Variants in INTU observed in about 807,000 individuals in gnomAD.
The protein encoded by INTU is protein inturned.
A neutral mutation model predicts 100.5 loss-of-function variants in INTU; 68 were observed. That is an observed-to-expected ratio of 0.68 (90% confidence interval 0.56 to 0.83). The LOEUF (loss-of-function observed/expected upper bound fraction) is 0.83, where lower values mean the gene tolerates loss of function less well. Among genes scored for constraint, INTU ranks in the 40% least tolerant of loss-of-function variants. The pLI, the probability that INTU is intolerant of heterozygous loss-of-function variation, is 0.00. For synonymous variants in INTU, 357 were observed against 395.7 expected (o/e 0.90, Z 1.16); for missense variants, 1,071 against 1,114.7 (o/e 0.96, Z 0.56).
At chr4:127,715,169 A>G (rs1731225685) in intron 15 of INTU, among the ~76,000 whole-genome samples, 1 of 152,186 alleles carries the variant, frequency 6.6e-6, no homozygotes, top group Non-Finnish European at 1.5e-5. Context: ...TATACAGCAC[A>G]GCAGTGAACA....
chr4:127,679,819 G>A (rs1234123024), intron 6 of INTU, among the ~76,000 whole-genome samples: 4 of 152,016 alleles, frequency 2.6e-5, no homozygotes, highest in East Asian at 1.9e-4. Context: ...CCAGGAGCTG[G>A]TTTTTTGAAA....
chr4:127,678,147 G>A (rs1037085767), intron 6 of INTU, among the ~76,000 whole-genome samples: 1 of 152,274 alleles, frequency 6.6e-6, no homozygotes, highest in East Asian at 1.9e-4. Context: ...AAAGTGATGG[G>A]GAGAATGGAA....
chr4:127,695,425 G>T (rs140619239), intron 8 of INTU, among the ~76,000 whole-genome samples: 38 of 152,188 alleles, frequency 2.5e-4, no homozygotes, highest in African/African-American at 8.9e-4. Context: ...GGCCAACATT[G>T]TGAAACCCTA....
chr4:127,681,208 C>T (rs1729526640), intron 6 of INTU, among the ~76,000 whole-genome samples: 1 of 152,160 alleles, frequency 6.6e-6, no homozygotes, highest in South Asian at 2.1e-4. Context: ...ATGCCATCCC[C>T]ATAAAGCTAC....
At position 127,718,004 on chromosome 4, in the gene INTU, T is replaced by A. The variant is rs1731293662; in HGVS notation, c.*1568T>A. On this transcript the variant is annotated 3_prime_UTR_variant, in exon 16 of 16. Coordinates refer to ENST00000335251, the MANE Select transcript of INTU (RefSeq NM_015693.4). ...GTCTTTAATTTAACTAGATCCCATT[T>A]GTCAAGTTTTGCTTTTGTTGCAGTT... 1 of 152,230 alleles carries A rather than the reference T, an allele frequency of 6.6e-6. No homozygotes were observed. The allele number at this position is 152,230 out of a possible 1,614,324, so 9.4% of individuals were successfully genotyped here. A position where few individuals can be genotyped will look rare whatever the true frequency, so the allele number is the denominator to read the frequency against.
At chr4:127,714,204 A>G in intron 15 of INTU, 111 bp downstream of exon 15, 1 of 745,098 alleles carries the variant, frequency 1.3e-6, no homozygotes, top group Non-Finnish European at 2.1e-6. Context: ...ATCTAGCTAT[A>G]CTATTTTAAT....
Position 127,717,041 on chromosome 4 carries a change from C to G in INTU, c.*605C>G, listed in dbSNP as rs1234277702. 4 of 152,050 alleles carry G rather than the reference C, an allele frequency of 2.6e-5. No homozygotes were observed. Among genetic ancestry groups the G allele is most frequent in the Non-Finnish European group, 5.9e-5 (4 of 68,002 alleles). 9.4% of individuals were successfully genotyped at this position (152,050 alleles called of 1,614,324 possible). A position where few individuals can be genotyped will look rare whatever the true frequency, so the allele number is the denominator to read the frequency against. ...GGTACATGTGCAGGATGTGCAGGTT[C>G]GTTACATAGGTAAACATGTGCCATG... On this transcript the variant is annotated 3_prime_UTR_variant, in exon 16 of 16. Coordinates refer to ENST00000335251, the MANE Select transcript of INTU (RefSeq NM_015693.4).
intron 6 of INTU, among the ~76,000 whole-genome samples, chr4:127,675,103 A>G (rs992849317): frequency 1.6e-4 from 25 of 152,224 alleles, no homozygotes; most frequent in African/African-American, 5.3e-4. Context: ...TTCCTGTTCA[A>G]TGGTTTTTAA....
intron 8 of INTU, among the ~76,000 whole-genome samples, chr4:127,694,523 T>A (rs1475105043): frequency 6.6e-6 from 1 of 152,152 alleles, no homozygotes; most frequent in Non-Finnish European, 1.5e-5. Flanking sequence ...ACCGGATTAG[T>A]TTAATGAAGT....
At chr4:127,681,896 C>T (rs1381086030) in intron 6 of INTU, among the ~76,000 whole-genome samples, 1 of 151,996 alleles carries the variant, frequency 6.6e-6, no homozygotes, top group African/African-American at 2.4e-5. Flanking sequence ...TGAACTCAAA[C>T]AAATCTGCAA....
At chr4:127,666,920 A>C (rs1728723209) in intron 4 of INTU, among the ~76,000 whole-genome samples, 1 of 152,162 alleles carries the variant, frequency 6.6e-6, no homozygotes, top group Admixed American at 6.6e-5. Context: ...TTCATATATC[A>C]AAATTTAGTG....
chr4:127,688,456 A>G (rs1424640680), intron 8 of INTU, among the ~76,000 whole-genome samples: 2 of 152,148 alleles, frequency 1.3e-5, no homozygotes, highest in Admixed American at 6.5e-5. Flanking sequence ...CATTTTCATC[A>G]GTGTAGATCA....
intron 1 of INTU, among the ~76,000 whole-genome samples, chr4:127,643,014 CTGTTAAAGCTGGCTTTAGCTTTCATTTT>C (rs1160368770): frequency 6.6e-6 from 1 of 152,092 alleles, no homozygotes; most frequent in African/African-American, 2.4e-5. Context: ...ATGTAAAAGT[CTGTTAAAGCTGGCTTTAGCTTTCATTTT>C]AACCTGACAG....
chr4:127,718,364 CATG>C lies in INTU; in HGVS notation c.*1932_*1934del, dbSNP rs1209366857. 6.6e-6 allele frequency: 1 copy of C among 152,044 alleles called. No homozygotes were observed. The highest frequency in any genetic ancestry group is 2.4e-5 in the African/African-American group (1 of 41,384). The allele number at this position is 152,044 out of a possible 1,614,324, so 9.4% of individuals were successfully genotyped here. On this transcript the variant is annotated 3_prime_UTR_variant, in exon 16 of 16. Coordinates refer to ENST00000335251, the MANE Select transcript of INTU (RefSeq NM_015693.4). The stretch of plus-strand genomic sequence containing the variant: ...TATGTGTCAGTTTTTGTACCAGTAC[CATG>C]ATGTTTTGGTTATTGTACCCTTACA...
In INTU at chr4:127,713,246, A is replaced by G. The variant is rs1234683835; in HGVS notation, c.2560-690A>G. Among the ~76,000 whole-genome samples, 6 of 152,166 alleles carry G rather than the reference A, an allele frequency of 3.9e-5. No individual in the cohort carries two copies. In the East Asian group the frequency reaches 1.2e-3, roughly 29 times the overall value. On this transcript the variant is annotated intron_variant, in intron 14 of 15. Coordinates refer to ENST00000335251, the MANE Select transcript of INTU (RefSeq NM_015693.4). ...AGTTAGGAGGCTTTCAAAATTCTCA[A>G]AGCAAGAAATGATTATGGCTTCTGG...
chr4:127,664,317 A>G (rs1260375936), intron 4 of INTU, among the ~76,000 whole-genome samples: 3 of 152,078 alleles, frequency 2.0e-5, no homozygotes, highest in Non-Finnish European at 4.4e-5. Flanking sequence ...CTTAAGCTGA[A>G]GTGTTTCCAA....
chr4:127,659,111 G>A (rs1728361940), intron 3 of INTU, among the ~76,000 whole-genome samples: 1 of 152,180 alleles, frequency 6.6e-6, no homozygotes, highest in Non-Finnish European at 1.5e-5. Flanking sequence ...AATAATGTGA[G>A]TGATGGGGAG....
chr4:127,674,099 T>C, intron 5 of INTU, 25 bp from the exon 6 acceptor site: 1 of 1,479,508 alleles, frequency 6.8e-7, no homozygotes, highest in Non-Finnish European at 9.4e-7. Context: ...TATTCTAACC[T>C]TATTTTGAAT....
chr4:127,710,323 C>A (rs1731047225), intron 13 of INTU, among the ~76,000 whole-genome samples: 1 of 151,722 alleles, frequency 6.6e-6, no homozygotes, highest in Non-Finnish European at 1.5e-5. Context: ...CTTTTATGCA[C>A]CTATCTTTGT....
Sources: allele counts gnomAD v4.1 joint callset (sites outside exome capture counted in the v4.1 genomes callset), GRCh38; gene constraint gnomAD v4.1.1; transcripts MANE v1.5; gene names NCBI Gene and HGNC (gene_info 2026-07-23, HGNC 2026-07-21).